Variants in REDIC1 observed in about 807,000 individuals in gnomAD.
REDIC1 encodes the protein regulator of DNA class I crossover intermediates 1, also known as HEI10 Interacting Protein 1.
the REDIC1 span, chr12:39,721,547 G>A: frequency 4.4e-6 from 1 of 227,366 alleles, no homozygotes. Flanking sequence ...ATATTACAAT[G>A]ATGCGCTGTT....
chr12:39,897,472 A>G, the REDIC1 span, among the ~76,000 whole-genome samples: 8 of 152,166 alleles, frequency 5.3e-5, no homozygotes, highest in African/African-American at 1.9e-4. Context: ...CAATGTTTCT[A>G]CAGGGAATTG....
the REDIC1 span, among the ~76,000 whole-genome samples, chr12:39,701,796 C>T: frequency 1.8e-4 from 28 of 151,874 alleles, no homozygotes; most frequent in Non-Finnish European, 3.4e-4. Flanking sequence ...CACTCAAAAC[C>T]GCTCAACTAC....
At chr12:39,854,702 TC>T in the REDIC1 span, among the ~76,000 whole-genome samples, 1 of 152,190 alleles carries the variant, frequency 6.6e-6, no homozygotes, top group Non-Finnish European at 1.5e-5. Context: ...TTGACTGGCT[TC>T]CCTTCCTCAC....
At chr12:39,673,449 G>A in the REDIC1 span, among the ~76,000 whole-genome samples, 1 of 152,186 alleles carries the variant, frequency 6.6e-6, no homozygotes, top group South Asian at 2.1e-4. Context: ...TTACTTTTGT[G>A]CTCGGAACAT....
chr12:39,639,352 G>C, the REDIC1 span, among the ~76,000 whole-genome samples: 8 of 151,952 alleles, frequency 5.3e-5, no homozygotes, highest in African/African-American at 1.9e-4. Context: ...CCCTGAACGT[G>C]CCTGATCTCA....
chr12:39,854,726 C>T, the REDIC1 span, among the ~76,000 whole-genome samples: 1 of 152,154 alleles, frequency 6.6e-6, no homozygotes, highest in Non-Finnish European at 1.5e-5. Flanking sequence ...AAGCCTTGAC[C>T]TAGTATCCAA....
chr12:39,673,689 C>T, the REDIC1 span, among the ~76,000 whole-genome samples: 1 of 152,176 alleles, frequency 6.6e-6, no homozygotes, highest in African/African-American at 2.4e-5. Flanking sequence ...ATGTATTTAT[C>T]ACTTCCTTAC....
chr12:39,797,727 AAC>A, the REDIC1 span, among the ~76,000 whole-genome samples: 1,480 of 84,036 alleles, frequency 0.018, 16 homozygotes, highest in African/African-American at 0.051. Context: ...AGTTATGGTA[AAC>A]ACACACACAC....
the REDIC1 span, among the ~76,000 whole-genome samples, chr12:39,684,624 A>T: frequency 6.6e-6 from 1 of 152,236 alleles, no homozygotes; most frequent in African/African-American, 2.4e-5. Context: ...GCAATTTAGA[A>T]CATGGTTCCC....
At chr12:39,717,312 T>C in the REDIC1 span, among the ~76,000 whole-genome samples, 2 of 151,896 alleles carry the variant, frequency 1.3e-5, no homozygotes, top group Non-Finnish European at 2.9e-5. Flanking sequence ...ACTGATAACA[T>C]AAACAGTTGA....
At chr12:39,718,768 T>A in the REDIC1 span, among the ~76,000 whole-genome samples, 1 of 152,144 alleles carries the variant, frequency 6.6e-6, no homozygotes, top group Non-Finnish European at 1.5e-5. Context: ...CATCTGGGAA[T>A]GTGTCTGCTG....
the REDIC1 span, among the ~76,000 whole-genome samples, chr12:39,785,147 G>C: frequency 6.6e-6 from 1 of 152,112 alleles, no homozygotes. Flanking sequence ...ATGTCTCCAG[G>C]CCACTTCAGA....
chr12:39,715,827 G>A, the REDIC1 span, among the ~76,000 whole-genome samples: 1 of 151,948 alleles, frequency 6.6e-6, no homozygotes, highest in Admixed American at 6.6e-5. Context: ...CTTATGGACT[G>A]AATGAACCTT....
At chr12:39,694,896 C>G in the REDIC1 span, among the ~76,000 whole-genome samples, 4 of 152,236 alleles carry the variant, frequency 2.6e-5, no homozygotes, top group Non-Finnish European at 5.9e-5. Flanking sequence ...ATCTTACATC[C>G]TGGATACCAG....
chr12:39,668,432 A>G, the REDIC1 span, among the ~76,000 whole-genome samples: 17 of 152,286 alleles, frequency 1.1e-4, no homozygotes, highest in Middle Eastern at 0.017. Context: ...CTGCCGAGAG[A>G]TCAGCTCTTA....
chr12:39,721,449 C>T, the REDIC1 span: 1 of 516,850 alleles, frequency 1.9e-6, no homozygotes. Flanking sequence ...TGTATATAGC[C>T]ATTTCCTTAA....
chr12:39,789,385 GTTTAT>G, the REDIC1 span, among the ~76,000 whole-genome samples: 5 of 152,012 alleles, frequency 3.3e-5, no homozygotes, highest in African/African-American at 4.8e-5. Flanking sequence ...TTTAGCTACA[GTTTAT>G]TTTGAGTGCA....
the REDIC1 span, among the ~76,000 whole-genome samples, chr12:39,882,642 A>G: frequency 6.6e-6 from 1 of 152,194 alleles, no homozygotes; most frequent in Non-Finnish European, 1.5e-5. Context: ...TAATTCACCA[A>G]GAAAGCGTGA....
the REDIC1 span, among the ~76,000 whole-genome samples, chr12:39,711,481 G>T: frequency 4.3e-5 from 6 of 140,624 alleles, no homozygotes; most frequent in South Asian, 1.1e-3. Context: ...ATATGTATGT[G>T]TATATATGTA....
Sources: gnomAD v4.1 joint callset for allele counts (sites outside exome capture counted in the v4.1 genomes callset) on GRCh38, gnomAD v4.1.1 for gene constraint, MANE v1.5 for transcripts, NCBI Gene and HGNC (gene_info 2026-07-23, HGNC 2026-07-21) for gene names.